COL15A1: variants seen among roughly 807,000 people sequenced by gnomAD.
COL15A1 encodes collagen type XV alpha 1 chain, also known as collagen alpha-1(XV) chain.
A neutral mutation model predicts 165.9 loss-of-function variants in COL15A1; 111 were observed. That is an observed-to-expected ratio of 0.67 (90% CI 0.57 to 0.78). The LOEUF (loss-of-function observed/expected upper bound fraction) is 0.78. Among genes scored for constraint, COL15A1 ranks in the 30% least tolerant of loss-of-function variants. COL15A1 has a pLI of 0.00. For synonymous variants in COL15A1, 659 were observed against 674.8 expected, an observed-to-expected ratio of 0.98 and a Z score of 0.36; for missense variants, 1,745 against 1,789.7, an observed-to-expected ratio of 0.98 and a Z score of 0.45.
chr9:99,005,291 G>A (rs917549846), intron 9 of COL15A1, among the ~76,000 whole-genome samples: 4 of 152,114 alleles, frequency 2.6e-5, no homozygotes, highest in African/African-American at 9.7e-5. Flanking sequence ...TTGTCCCAAG[G>A]CTGCATGCAG....
At position 98,962,375 on chromosome 9, in the gene COL15A1, G is replaced by A. The variant is rs996780938; in HGVS notation, c.100+18125G>A. ...CTTTGGAGACCTGCTTCTCAAATGGGTGTGCTCACAGTCCTTGGCTGTGTG... is the reference window on the plus strand; with the variant it reads ...CTTTGGAGACCTGCTTCTCAAATGGATGTGCTCACAGTCCTTGGCTGTGTG... On this transcript the variant is annotated intron_variant, in intron 2 of 41. Coordinates refer to ENST00000375001, the MANE Select transcript of COL15A1 (RefSeq NM_001855.5). 4.6e-5 allele frequency among the ~76,000 whole-genome samples: 7 copies of A among 152,210 alleles called. No individual in the cohort carries two copies. In the East Asian group the frequency reaches 7.7e-4, roughly 17 times the overall value.
chr9:99,024,943 A>G lies in COL15A1; in HGVS notation c.1924A>G (p.Met642Val), dbSNP rs1311942192. 30 of 1,613,930 alleles carry G rather than the reference A, an allele frequency of 1.9e-5. No individual in the cohort carries two copies. The Admixed American group carries it at 3.0e-4, about 16-fold the overall frequency. Residue 642 changes from methionine to valine, a missense_variant, in exon 15 of 42, where the codon ATG becomes GTG. Transcript: ENST00000375001. ...AGGAAAACCAGGAACTGATGTTTTC[A>G]TGGGACCCCCTGGATCTCCTGGAGA... ...IPGKPGTDVF[M>V]GPPGSPGEDG...
intron 24 of COL15A1, among the ~76,000 whole-genome samples, chr9:99,042,926 C>T (rs1335657938): frequency 1.3e-5 from 2 of 152,170 alleles, no homozygotes; most frequent in African/African-American, 4.8e-5. Context: ...CATCTTTCGT[C>T]CACTGACCCG....
intron 36 of COL15A1, among the ~76,000 whole-genome samples, chr9:99,060,232 TTTTATA>T (rs780738526): frequency 0.18 from 21,898 of 123,168 alleles, 2,094 homozygotes; most frequent in East Asian, 0.5. Context: ...ACTTATATAT[TTTTATA>T]TATATATATA....
intron 2 of COL15A1, among the ~76,000 whole-genome samples, chr9:98,969,128 T>A (rs904496880): frequency 1.3e-5 from 2 of 152,198 alleles, no homozygotes; most frequent in Admixed American, 6.5e-5. Context: ...TGTATCACCC[T>A]ATTTTGCAGA....
chr9:98,998,355 G>A (rs1838585160), intron 6 of COL15A1, among the ~76,000 whole-genome samples: 1 of 152,154 alleles, frequency 6.6e-6, no homozygotes, highest in South Asian at 2.1e-4. Context: ...GGGAGTCTGT[G>A]GGTCAGAGAA....
At chr9:99,029,581 T>C (rs1161789730) in intron 16 of COL15A1, among the ~76,000 whole-genome samples, 1 of 152,246 alleles carries the variant, frequency 6.6e-6, no homozygotes, top group African/African-American at 2.4e-5. Context: ...ATATCTTCTT[T>C]CATTATCAGA....
intron 2 of COL15A1, among the ~76,000 whole-genome samples, chr9:98,952,395 A>G (rs903904723): frequency 6.6e-6 from 1 of 152,184 alleles, no homozygotes. Context: ...ATTGGATAAA[A>G]ATTTATTTCC....
intron 28 of COL15A1, among the ~76,000 whole-genome samples, chr9:99,048,286 A>G (rs1430763524): frequency 6.6e-6 from 1 of 152,144 alleles, no homozygotes; most frequent in African/African-American, 2.4e-5. Flanking sequence ...TCCAAATCCC[A>G]GGGCCTCTAA....
chr9:99,015,627 C>A (rs1838919475), intron 10 of COL15A1, 61 bp downstream of exon 10: 2 of 1,524,824 alleles, frequency 1.3e-6, no homozygotes, highest in South Asian at 2.3e-5. Context: ...CATCATGCGA[C>A]AACAGTCATC....
chr9:98,996,965 C>T lies in COL15A1; in HGVS notation c.836C>T (p.Thr279Ile). Residue 279 changes from threonine (T) to isoleucine (I), a missense_variant, in exon 6 of 42, where the codon ACA becomes ATA. Thr to Ile is a moderately conservative substitution (Grantham distance 89, BLOSUM62 -1). Transcript: ENST00000375001. Reference protein sequence around the residue: ...PKEAKVEPINTPPTPSSPFED... With the variant: ...PKEAKVEPINIPPTPSSPFED... ...GAAGCAAAAGTTGAACCCATAAACA[C>T]ACCTCCAACTCCATCCTCCCCCTTT... is the stretch of plus-strand genomic sequence containing the variant. 1 of 1,614,210 alleles carries T rather than the reference C, an allele frequency of 6.2e-7. No individual in the cohort carries two copies. The highest frequency in any genetic ancestry group is 8.5e-7 in the Non-Finnish European group (1 of 1,180,036).
intron 11 of COL15A1, among the ~76,000 whole-genome samples, chr9:99,019,451 A>G (rs1002603628): frequency 1.3e-5 from 2 of 151,844 alleles, no homozygotes; most frequent in Admixed American, 6.6e-5. Context: ...CTGACCTCAG[A>G]TGATTCACCT....
Position 99,056,353 on chromosome 9 carries a change from G to A in COL15A1, c.3286G>A (p.Gly1096Arg). 1 of 1,613,404 alleles carries A rather than the reference G, an allele frequency of 6.2e-7. No homozygotes were observed. The highest frequency in any genetic ancestry group is 1.1e-5 in the South Asian group (1 of 91,072). The change falls in exon 35 of 42, where the codon GGG (glycine) becomes AGG (arginine). Residue 1096 changes from glycine (G) to arginine (R), a missense_variant. Physicochemically the swap from Gly to Arg is moderately radical, Grantham distance 125. Coordinates refer to ENST00000375001, the MANE Select transcript of COL15A1 (RefSeq NM_001855.5). Reference protein sequence around the residue: ...PPGFGRPGDPGPPGPPGPPGP... With the variant: ...PPGFGRPGDPRPPGPPGPPGP... The stretch of plus-strand genomic sequence containing the variant: ...TGGCTTTGGAAGACCTGGTGATCCT[G>A]GGCCACCGGGGCCCCCGGGGCCACC...
At chr9:99,052,514 G>T (rs947045342) in intron 31 of COL15A1, 81 bp downstream of exon 31, 1 of 1,153,724 alleles carries the variant, frequency 8.7e-7, no homozygotes. Context: ...AGTGCAGGGC[G>T]CAGACTAGGT....
intron 2 of COL15A1, among the ~76,000 whole-genome samples, chr9:98,954,541 T>C (rs1837745262): frequency 6.6e-6 from 1 of 152,236 alleles, no homozygotes; most frequent in African/African-American, 2.4e-5. Flanking sequence ...ATTTCATTGT[T>C]TGGTTGTCTT....
In COL15A1 at chr9:99,069,776, G is replaced by T. The variant is rs761909640; in HGVS notation, c.4057G>T (p.Ala1353Ser). ...RTADTAVTGL[A>S]SPLSTGKILD... ...CGCGGACACAGCGGTCACGGGACTT[G>T]CCTCCCCGCTGAGCACGGGGAAGAT... Residue 1353 changes from alanine (A) to serine (S), a missense_variant, in exon 42 of 42, where the codon GCC (alanine) becomes TCC (serine). Transcript: ENST00000375001. 1.9e-6 allele frequency: 3 copies of T among 1,614,244 alleles called. No individual in the cohort carries two copies. Among genetic ancestry groups the T allele is most frequent in the Non-Finnish European group, 1.7e-6 (2 of 1,180,034 alleles).
At position 99,062,045 on chromosome 9, in the gene COL15A1, G is replaced by A. The variant is rs774256542; in HGVS notation, c.3477G>A (p.Leu1159=). The change falls in exon 37 of 42, where the codon CTG becomes CTA. Residue 1159 remains leucine, a synonymous_variant. Transcript: ENST00000375001. ...TTATAGAAGGAACATTCATCTACCT[G>A]AGGGACAGCACTGAGTTTTTCATTC... ...HLVIEGTFIY[L]RDSTEFFIRV... is the part of the protein sequence containing the mutation. The A allele has an allele frequency of 2.5e-6, 4 of 1,614,078 alleles. No individual in the cohort carries two copies. The South Asian group carries it at 4.4e-5, about 18-fold the overall frequency.
intron 21 of COL15A1, among the ~76,000 whole-genome samples, chr9:99,038,183 C>G (rs1839337631): frequency 6.6e-6 from 1 of 152,060 alleles, no homozygotes; most frequent in Non-Finnish European, 1.5e-5. Context: ...TCATGTGCTT[C>G]TGGTGGAAGT....
intron 4 of COL15A1, 39 bp from the exon 5 acceptor site, chr9:98,989,139 C>A: frequency 6.5e-7 from 1 of 1,547,884 alleles, no homozygotes; most frequent in East Asian, 2.2e-5. Flanking sequence ...GGGCCCTGCC[C>A]GCTCTGCCCG....
Sources: allele counts gnomAD v4.1 joint callset (sites outside exome capture counted in the v4.1 genomes callset), GRCh38; gene constraint gnomAD v4.1.1; transcripts MANE v1.5; gene names NCBI Gene and HGNC (gene_info 2026-07-23, HGNC 2026-07-21).